The following RBFOX1 variants were observed in gnomAD, a reference collection of about 807,000 sequenced individuals.
The protein encoded by RBFOX1 is RNA binding protein fox-1 homolog 1.
Under a neutral mutation model 57.7 loss-of-function variants are expected in RBFOX1, and 8 were observed. The ratio of observed to expected loss-of-function variants is 0.14; its 90% CI spans 0.08 to 0.25. The LOEUF (loss-of-function observed/expected upper bound fraction) is 0.25. Among genes scored for constraint, RBFOX1 ranks in the 10% least tolerant of loss-of-function variants. The probability of loss-of-function intolerance (pLI) is 1.00; values close to 1 mark genes in which losing one functional copy is unlikely to be tolerated. For missense variants in RBFOX1, 611 were observed against 548.5 expected, an observed-to-expected ratio of 1.11 and a Z score of -1.14; for synonymous variants, 326 against 222.4, an observed-to-expected ratio of 1.47 and a Z score of -4.15.
intron 2 of RBFOX1, among the ~76,000 whole-genome samples, chr16:6,519,087 TGCACAAAGTGGAAAG>T (rs2096449925): frequency 6.6e-6 from 1 of 151,864 alleles, no homozygotes. Context: ...ACCCATCGTA[TGCACAAAGTGGAAAG>T]GCACAAAGTG....
intron 1 of RBFOX1, among the ~76,000 whole-genome samples, chr16:6,072,217 G>C (rs2095846064): frequency 6.6e-6 from 1 of 152,168 alleles, no homozygotes; most frequent in African/African-American, 2.4e-5. Context: ...AGAACAGCAT[G>C]GGGTAAAACC....
chr16:7,690,489 A>T (rs935867889), intron 14 of RBFOX1, among the ~76,000 whole-genome samples: 2 of 152,106 alleles, frequency 1.3e-5, no homozygotes, highest in Non-Finnish European at 2.9e-5. Flanking sequence ...TTTTATGAAC[A>T]ACTAAGGAAC....
rs370205649 is a variant in RBFOX1 at position 7,024,316 on chromosome 16, C to T, written c.-15-27741C>T. Among the ~76,000 whole-genome samples the T allele has an allele frequency of 6.6e-5, 10 of 152,188 alleles. No homozygotes were observed. In the East Asian group the frequency reaches 1.6e-3, roughly 24 times the overall value. The stretch of plus-strand genomic sequence containing the variant: ...GAGAGCCTGGTTCTGTGACATTGTG[C>T]CATCCTGGTACCATAAGTGATTTTT... On this transcript the variant is annotated intron_variant, in intron 3 of 15. Coordinates refer to ENST00000550418, the MANE Select transcript of RBFOX1 (RefSeq NM_018723.4).
Position 5,985,211 on chromosome 16 carries a change from C to G in RBFOX1, c.351+117876C>G, listed in dbSNP as rs537071038. Among the ~76,000 whole-genome samples, 44 of 151,444 alleles carry G rather than the reference C, an allele frequency of 2.9e-4. No individual in the cohort carries two copies. In the South Asian group the frequency reaches 8.6e-3, roughly 30 times the overall value. ...GTTTCACCGTGTTAGCCAGGATGGTCTCGATCTCCTGACCTCCTGATCCAT... is the reference window on the plus strand; with the variant it reads ...GTTTCACCGTGTTAGCCAGGATGGTGTCGATCTCCTGACCTCCTGATCCAT... On this transcript the variant is annotated intron_variant, in intron 4 of 19. Coordinates refer to the RBFOX1 transcript ENST00000641259.
intron 4 of RBFOX1, among the ~76,000 whole-genome samples, chr16:7,232,924 C>G (rs111648378): frequency 4.6e-5 from 7 of 151,882 alleles, no homozygotes; most frequent in Non-Finnish European, 8.8e-5. Context: ...TTAGCAAACC[C>G]TGTCAAATTT....
At chr16:5,626,467 C>T (rs1187571324) in intron 3 of RBFOX1, among the ~76,000 whole-genome samples, 2 of 152,150 alleles carry the variant, frequency 1.3e-5, no homozygotes, top group Non-Finnish European at 2.9e-5. Flanking sequence ...AGACCCTGTC[C>T]TTGATAGCAG....
intron 3 of RBFOX1, among the ~76,000 whole-genome samples, chr16:5,775,064 T>G (rs993395038): frequency 6.6e-6 from 1 of 152,184 alleles, no homozygotes; most frequent in Non-Finnish European, 1.5e-5. Context: ...ATGGAAAATC[T>G]CCACAGTGCT....
At chr16:6,649,213 C>G (rs774218206) in intron 2 of RBFOX1, among the ~76,000 whole-genome samples, 1 of 152,186 alleles carries the variant, frequency 6.6e-6, no homozygotes, top group African/African-American at 2.4e-5. Flanking sequence ...CTGTAACTAG[C>G]TCATTCAACT....
At chr16:6,619,797 T>C (rs951579053) in intron 2 of RBFOX1, among the ~76,000 whole-genome samples, 4 of 151,898 alleles carry the variant, frequency 2.6e-5, no homozygotes, top group Non-Finnish European at 4.4e-5. Flanking sequence ...ACAGATGATT[T>C]CATCATCCAG....
chr16:5,443,016 AG>A (rs1417986460), intron 1 of RBFOX1, among the ~76,000 whole-genome samples: 1 of 152,206 alleles, frequency 6.6e-6, no homozygotes, highest in Non-Finnish European at 1.5e-5. Context: ...CCTCAAGCCA[AG>A]GAGTGCCAGG....
chr16:6,723,807 C>T (rs8044559), intron 3 of RBFOX1: 37,560 of 151,768 alleles, frequency 0.25, 5,273 homozygotes, highest in African/African-American at 0.37. Flanking sequence ...CTTCCAGCTA[C>T]GTACTCAAGA....
intron 14 of RBFOX1, among the ~76,000 whole-genome samples, chr16:7,700,133 C>G (rs781116801): frequency 6.6e-6 from 1 of 152,052 alleles, no homozygotes; most frequent in Admixed American, 6.6e-5. Context: ...GTACATAAGA[C>G]TTTGGATCAT....
At chr16:6,859,184 T>TACGTATATATATGTATATATAC (rs57442083) in intron 3 of RBFOX1, among the ~76,000 whole-genome samples, 1 of 49,290 alleles carries the variant, frequency 2.0e-5, no homozygotes, top group African/African-American at 8.0e-5. Context: ...TGTATATATA[T>TACGTATATATATGTATATATAC]GTATATATAT....
chr16:5,749,723 A>T lies in RBFOX1; in HGVS notation c.319-117580A>T, dbSNP rs941823602. On this transcript the variant is annotated intron_variant, in intron 3 of 19. Coordinates refer to the RBFOX1 transcript ENST00000641259. ...CCATGGTTTTCAGTTCCATCAGGTC[A>T]TTTAAGGACTTCTCTACACTGGTTA... 9.2e-5 allele frequency among the ~76,000 whole-genome samples: 14 copies of T among 152,164 alleles called. 1 individual carries two copies. The South Asian group carries it at 2.5e-3, about 27-fold the overall frequency.
intron 3 of RBFOX1, among the ~76,000 whole-genome samples, chr16:5,827,640 G>C (rs1028115573): frequency 6.6e-6 from 1 of 152,124 alleles, no homozygotes; most frequent in African/African-American, 2.4e-5. Flanking sequence ...CAGAGGGTGT[G>C]CAAAGAAATG....
intron 3 of RBFOX1, among the ~76,000 whole-genome samples, chr16:5,637,360 G>C (rs946437420): frequency 2.6e-5 from 4 of 152,150 alleles, no homozygotes; most frequent in African/African-American, 9.7e-5. Flanking sequence ...GTGGTCTCCA[G>C]AGCTAGGTTT....
intron 3 of RBFOX1, among the ~76,000 whole-genome samples, chr16:6,893,700 A>G (rs2066071897): frequency 6.6e-6 from 1 of 152,230 alleles, no homozygotes; most frequent in South Asian, 2.1e-4. Context: ...GGAAACTAAA[A>G]TATCTTTTCA....
At chr16:6,033,588 TTGTG>T (rs139964947) in intron 1 of RBFOX1, among the ~76,000 whole-genome samples, 2 of 151,640 alleles carry the variant, frequency 1.3e-5, no homozygotes, top group African/African-American at 4.8e-5. Context: ...TTCCCTCTCA[TTGTG>T]TGTGTGTGTG....
chr16:7,636,567 G>A (rs376653765), intron 11 of RBFOX1, among the ~76,000 whole-genome samples: 1 of 152,136 alleles, frequency 6.6e-6, no homozygotes, highest in African/African-American at 2.4e-5. Flanking sequence ...AAATGTATCT[G>A]TCTTTTCTGA....
Sources: allele counts gnomAD v4.1 joint callset (sites outside exome capture counted in the v4.1 genomes callset), GRCh38; gene constraint gnomAD v4.1.1; transcripts MANE v1.5; gene names NCBI Gene and HGNC (gene_info 2026-07-23, HGNC 2026-07-21).